RNF17: variants seen among roughly 807,000 people sequenced by gnomAD.
RNF17 encodes spermatogenesis associated 23.
In RNF17, 31 loss-of-function variants were observed where a neutral mutation model predicts 200.5. The observed-to-expected ratio is 0.15, with a 90% CI of 0.12 to 0.21. RNF17 has a LOEUF of 0.21. RNF17 is among the 10% of genes least tolerant of loss of function. RNF17 has a pLI of 1.00. For missense variants in RNF17, 1,628 were observed against 1,905.1 expected, an observed-to-expected ratio of 0.85 and a Z score of 2.71; for synonymous variants, 606 against 637.8, an observed-to-expected ratio of 0.95 and a Z score of 0.75.
chr13:24,880,392 TTGGG>T (rs2138508034), downstream of RNF17, among the ~76,000 whole-genome samples: 1 of 152,316 alleles, frequency 6.6e-6, no homozygotes, highest in East Asian at 1.9e-4. Flanking sequence ...ATTCGAGATT[TTGGG>T]TGGGAACACA....
At chr13:24,816,258 G>T (rs1254835365) in intron 15 of RNF17, among the ~76,000 whole-genome samples, 1 of 152,050 alleles carries the variant, frequency 6.6e-6, no homozygotes, top group Non-Finnish European at 1.5e-5. Flanking sequence ...CTAGATAAAG[G>T]TGTATAATCT....
intron 22 of RNF17, among the ~76,000 whole-genome samples, chr13:24,846,241 A>G (rs1008113526): frequency 1.3e-5 from 2 of 152,242 alleles, no homozygotes; most frequent in African/African-American, 4.8e-5. Flanking sequence ...GTTGTAGTCT[A>G]CAGTTTATGA....
In RNF17 at chr13:24,764,331, C is replaced by T. The variant is rs1037705532; in HGVS notation, c.128C>T (p.Ser43Phe). The change falls in exon 1 of 36, where the codon TCC becomes TTC. Residue 43 changes from serine (S) to phenylalanine (F), a missense_variant and splice_region_variant. Transcript: ENST00000255324. ...TRCGRRVSRS[S>F]GHHCELQCGH... ...TGTGGAAGGAGGGTATCCAGATCAT[C>T]CGGTGAGGAGCCCAAGGGCCCACCT... The T allele has an allele frequency of 2.5e-6, 4 of 1,597,232 alleles. No homozygotes were observed. The highest frequency in any genetic ancestry group is 3.4e-6 in the Non-Finnish European group (4 of 1,170,336).
intron 11 of RNF17, 136 bp from the exon 12 acceptor site, chr13:24,799,259 C>A: frequency 1.5e-6 from 1 of 658,372 alleles, no homozygotes. Context: ...TTTCTTATAG[C>A]ACTTGAACAC....
chr13:24,844,414 A>C (rs1382816975), intron 20 of RNF17, among the ~76,000 whole-genome samples: 1 of 152,146 alleles, frequency 6.6e-6, no homozygotes, highest in Admixed American at 6.6e-5. Flanking sequence ...CTTTTGAAAC[A>C]GGCCCCAAAG....
intron 2 of RNF17, among the ~76,000 whole-genome samples, chr13:24,767,749 A>AAT (rs1879939430): frequency 6.6e-6 from 1 of 151,666 alleles, no homozygotes; most frequent in African/African-American, 2.4e-5. Flanking sequence ...TCCATCTCAA[A>AAT]AAAAAAAAAA....
chr13:24,837,651 A>T (rs1015798584), intron 18 of RNF17, among the ~76,000 whole-genome samples: 2 of 152,330 alleles, frequency 1.3e-5, no homozygotes, highest in South Asian at 4.1e-4. Flanking sequence ...ACTGAACGAC[A>T]TAATGACACA....
intron 18 of RNF17, among the ~76,000 whole-genome samples, chr13:24,834,180 G>A (rs1017073354): frequency 1.3e-5 from 2 of 152,024 alleles, no homozygotes; most frequent in Non-Finnish European, 1.5e-5. Context: ...TCAGAGGCGG[G>A]TGGATCACCT....
At chr13:24,824,767 C>A (rs1888445302) in intron 15 of RNF17, among the ~76,000 whole-genome samples, 1 of 152,164 alleles carries the variant, frequency 6.6e-6, no homozygotes, top group African/African-American at 2.4e-5. Flanking sequence ...CACATAAATT[C>A]TTAAGACTTC....
At chr13:24,830,426 A>T in intron 16 of RNF17, 58 bp from the exon 17 acceptor site, 1 of 1,056,850 alleles carries the variant, frequency 9.5e-7, no homozygotes, top group Non-Finnish European at 1.4e-6. Context: ...ACCAATCTAA[A>T]TTTTTCTAGA....
Position 24,850,358 on chromosome 13 carries a change from A to C in RNF17, c.3119A>C (p.Asp1040Ala). 1 of 1,613,286 alleles carries C rather than the reference A, an allele frequency of 6.2e-7. No individual in the cohort carries two copies. The highest frequency in any genetic ancestry group is 8.5e-7 in the Non-Finnish European group (1 of 1,179,448). The stretch of plus-strand genomic sequence containing the variant: ...TGTTGTAGACCAGCTGGTGGGAGTG[A>C]CAAGTGGACAGCAACAGCTTGTGAC... ...LVDIRPAGGS[D>A]KWTATACDCL... The change falls in exon 23 of 36, where the codon GAC (aspartate) becomes GCC (alanine). Residue 1040 changes from aspartate (D) to alanine (A), a missense_variant. Asp to Ala is a moderately radical substitution (Grantham distance 126, BLOSUM62 -2). Transcript: ENST00000255324.
At chr13:24,864,761 A>G in intron 28 of RNF17, 112 bp from the exon 29 acceptor site, 1 of 759,604 alleles carries the variant, frequency 1.3e-6, no homozygotes, top group Non-Finnish European at 2.1e-6. Context: ...CACTAGCCAA[A>G]CTGTCTAGTT....
At chr13:24,756,783 G>A in the RNF17 span, among the ~76,000 whole-genome samples, 5 of 151,986 alleles carry the variant, frequency 3.3e-5, no homozygotes, top group Non-Finnish European at 7.4e-5. Flanking sequence ...ACTTAAAATC[G>A]ACCGAAGCCT....
chr13:24,772,027 A>C (rs1429716335), intron 2 of RNF17, among the ~76,000 whole-genome samples: 16 of 152,104 alleles, frequency 1.1e-4, no homozygotes. Flanking sequence ...TGGGGGCGGT[A>C]TATGTTTAAT....
chr13:24,871,567 A>G (rs1177640172), intron 32 of RNF17, among the ~76,000 whole-genome samples: 3 of 150,566 alleles, frequency 2.0e-5, no homozygotes, highest in Non-Finnish European at 3.0e-5. Flanking sequence ...CAAGCTCCTG[A>G]CCTCAAGTGA....
intron 1 of RNF17, among the ~76,000 whole-genome samples, chr13:24,765,378 G>C (rs1050513932): frequency 6.6e-6 from 1 of 152,188 alleles, no homozygotes; most frequent in African/African-American, 2.4e-5. Flanking sequence ...CTGAGTTGTT[G>C]AATCTCAATT....
chr13:24,886,957 G>A, the RNF17 span, among the ~76,000 whole-genome samples: 2 of 152,104 alleles, frequency 1.3e-5, no homozygotes, highest in African/African-American at 4.8e-5. Flanking sequence ...AGGTGACCGT[G>A]GGCATAGACA....
rs1487192109 is a variant in RNF17, at chr13:24,791,009, A to G, written c.935+1237A>G. ...AACATTTAGACCAAAGCACTGCTAT[A>G]TTAGACAATGTGGCATATTTCTATT... On this transcript the variant is annotated intron_variant, in intron 9 of 35. Coordinates refer to ENST00000255324, the MANE Select transcript of RNF17 (RefSeq NM_031277.3). Among the ~76,000 whole-genome samples the G allele has an allele frequency of 2.0e-5, 3 of 152,354 alleles. No individual in the cohort carries two copies. In the East Asian group the frequency reaches 5.8e-4, roughly 29 times the overall value.
At chr13:24,753,809 A>C in the RNF17 span, among the ~76,000 whole-genome samples, 1 of 152,174 alleles carries the variant, frequency 6.6e-6, no homozygotes, top group Non-Finnish European at 1.5e-5. Context: ...CACATGCTGG[A>C]GTACAGTGGA....
Sources: gnomAD v4.1 joint callset for allele counts (sites outside exome capture counted in the v4.1 genomes callset) on GRCh38, gnomAD v4.1.1 for gene constraint, MANE v1.5 for transcripts, NCBI Gene and HGNC (gene_info 2026-07-23, HGNC 2026-07-21) for gene names.